The following ECSIT variants were observed in gnomAD, a reference collection of about 807,000 sequenced individuals.
ECSIT encodes evolutionarily conserved signaling intermediate in Toll pathway, mitochondrial.
A neutral mutation model predicts 36.8 loss-of-function variants in ECSIT; 29 were observed. The ratio of observed to expected loss-of-function variants is 0.79; its 90% CI spans 0.59 to 1.08. The LOEUF (loss-of-function observed/expected upper bound fraction) is 1.08, where lower values mean the gene tolerates loss of function less well. ECSIT is among the 50% of genes least tolerant of loss of function. The pLI is 0.00. For missense variants in ECSIT, 542 were observed against 581.0 expected, an observed-to-expected ratio of 0.93 and a Z score of 0.69; for synonymous variants, 231 against 234.8, an observed-to-expected ratio of 0.98 and a Z score of 0.15.
intron 2 of ECSIT, among the ~76,000 whole-genome samples, chr19:11,518,531 G>A (rs1433281505): frequency 6.6e-6 from 1 of 152,130 alleles, no homozygotes. Flanking sequence ...TGAGGCTGCA[G>A]TGAGCCCTGA....
At chr19:11,509,916 C>G (rs1352867716) in intron 4 of ECSIT, among the ~76,000 whole-genome samples, 1 of 151,398 alleles carries the variant, frequency 6.6e-6, no homozygotes, top group African/African-American at 2.4e-5. Context: ...GTTGCCCAGG[C>G]TGGAGTGCAA....
Position 11,513,454 on chromosome 19 carries a change from G to A in ECSIT, c.515-175C>T, listed in dbSNP as rs1245791716. 2.0e-5 allele frequency among the ~76,000 whole-genome samples: 3 copies of A among 151,710 alleles called. No individual in the cohort carries two copies. The South Asian group carries it at 6.3e-4, about 32-fold the overall frequency. ...AATCCCAGCACATTGGGAGGCCAAG[G>A]GGAGAGGATCACTTGAGTCCAGGAG... On this transcript the variant is annotated intron_variant, in intron 3 of 7. Transcript: ENST00000270517.
chr19:11,508,192 T>C (rs1197246708), intron 4 of ECSIT, 144 bp from the exon 5 acceptor site: 2 of 948,292 alleles, frequency 2.1e-6, no homozygotes, highest in Non-Finnish European at 1.7e-6. Context: ...TGTCCCCTCC[T>C]CCCTCTGTCC....
At chr19:11,514,431 A>T (rs899821351) in intron 2 of ECSIT, among the ~76,000 whole-genome samples, 1 of 152,094 alleles carries the variant, frequency 6.6e-6, no homozygotes, top group African/African-American at 2.4e-5. Context: ...ACTGTTAGCC[A>T]TGGCTACGGG....
rs1971783464 is a variant in ECSIT at position 11,507,787 on chromosome 19, A to G, written c.860T>C (p.Val287Ala). 1 of 1,613,992 alleles carries G rather than the reference A, an allele frequency of 6.2e-7. No individual in the cohort carries two copies. The highest frequency in any genetic ancestry group is 8.5e-7 in the Non-Finnish European group (1 of 1,180,042). The change falls in exon 6 of 8, where the codon GTT becomes GCT. Residue 287 changes from valine to alanine, a missense_variant. Coordinates refer to ENST00000270517, the MANE Select transcript of ECSIT (RefSeq NM_016581.5). ...ARHNPARPVF[V>A]EGPFSLWLRN... ...GAGCCACAGGGAGAAGGGGCCCTCA[A>G]CAAAGACAGGCCGGGCTGGATTGTG... is the stretch of plus-strand genomic sequence containing the variant.
In ECSIT at chr19:11,505,962, A is replaced by C; in HGVS notation, c.*222T>G. On this transcript the variant is annotated 3_prime_UTR_variant, in exon 8 of 8. Transcript: ENST00000270517. ...ACCAACAGCGCTCCCGCCCCTTTTTATTTGAATTCGGAGAACCAGAGGCGC... is the reference window on the plus strand; with the variant it reads ...ACCAACAGCGCTCCCGCCCCTTTTTCTTTGAATTCGGAGAACCAGAGGCGC... The C allele has an allele frequency of 4.3e-6, 4 of 938,872 alleles. No homozygotes were observed. The highest frequency in any genetic ancestry group is 1.8e-5 in the South Asian group (1 of 56,412). 58.2% of individuals were successfully genotyped at this position (938,872 alleles called of 1,614,324 possible).
intron 4 of ECSIT, among the ~76,000 whole-genome samples, chr19:11,508,456 G>C (rs993788859): frequency 1.3e-5 from 2 of 150,272 alleles, no homozygotes; most frequent in East Asian, 3.9e-4. Context: ...CATGATCATA[G>C]CTCACTGTAG....
intron 1 of ECSIT, chr19:11,523,882 T>G: frequency 2.2e-6 from 1 of 460,344 alleles, no homozygotes; most frequent in Non-Finnish European, 4.1e-6. Flanking sequence ...GACTGTTATG[T>G]AATCACTGAG....
intron 2 of ECSIT, among the ~76,000 whole-genome samples, chr19:11,517,948 T>G (rs1046241834): frequency 6.6e-6 from 1 of 151,032 alleles, no homozygotes; most frequent in Non-Finnish European, 1.5e-5. Context: ...ACCGAGCTCA[T>G]ACATCCTTAT....
intron 1 of ECSIT, among the ~76,000 whole-genome samples, chr19:11,525,077 C>T (rs1972186549): frequency 6.6e-6 from 1 of 152,034 alleles, no homozygotes; most frequent in South Asian, 2.1e-4. Flanking sequence ...ACAGAGGTTG[C>T]AGTGAGCCGA....
Position 11,519,112 on chromosome 19 carries a change from G to A in ECSIT, c.59C>T (p.Thr20Ile), listed in dbSNP as rs1038529857. 1 of 1,551,088 alleles carries A rather than the reference G, an allele frequency of 6.4e-7. No individual in the cohort carries two copies. Among genetic ancestry groups the A allele is most frequent in the Non-Finnish European group, 8.7e-7 (1 of 1,146,992 alleles). Reference protein sequence around the residue: ...ARGLCRAWGGTCGAALTGTSI... With the variant: ...ARGLCRAWGGICGAALTGTSI... ...GGTTCCTGTGAGGGCGGCCCCGCAG[G>A]TGCCTCCCCAGGCCCTACAGAGGCC... The change falls in exon 2 of 8, where the codon ACC becomes ATC. Residue 20 changes from threonine to isoleucine, a missense_variant. Coordinates refer to ENST00000270517, the MANE Select transcript of ECSIT (RefSeq NM_016581.5). The surrounding 1 kb of genome is among the most constrained non-coding windows in gnomAD (Gnocchi z 4.4).
At chr19:11,522,551 A>T in intron 1 of ECSIT, 2 of 165,236 alleles carry the variant, frequency 1.2e-5, no homozygotes, top group Non-Finnish European at 1.3e-5. Flanking sequence ...ACGCCCCGGT[A>T]AAAAAAAAAA....
intron 4 of ECSIT, among the ~76,000 whole-genome samples, chr19:11,511,060 C>T (rs1304549789): frequency 2.6e-5 from 4 of 152,068 alleles, no homozygotes; most frequent in African/African-American, 9.7e-5. Context: ...GCCCAGCGTC[C>T]TCTGCTCTCC....
At chr19:11,517,083 T>C (rs892703945) in intron 2 of ECSIT, among the ~76,000 whole-genome samples, 2 of 152,026 alleles carry the variant, frequency 1.3e-5, no homozygotes, top group African/African-American at 4.8e-5. Context: ...ACTTTACAAA[T>C]GTGAGGCCCT....
At chr19:11,517,698 AC>A (rs1190789899) in intron 2 of ECSIT, among the ~76,000 whole-genome samples, 1 of 152,142 alleles carries the variant, frequency 6.6e-6, no homozygotes, top group Non-Finnish European at 1.5e-5. Flanking sequence ...AAAATGCCTA[AC>A]GAGGGGGAAA....
chr19:11,518,573 A>T (rs1972042898), intron 2 of ECSIT, among the ~76,000 whole-genome samples: 1 of 151,716 alleles, frequency 6.6e-6, no homozygotes, highest in East Asian at 2.0e-4. Flanking sequence ...TGGGTGATAG[A>T]GCAAGACCTT....
intron 4 of ECSIT, among the ~76,000 whole-genome samples, chr19:11,509,379 GT>G (rs113545500): frequency 3.9e-4 from 56 of 144,974 alleles, no homozygotes; most frequent in Non-Finnish European, 4.6e-4. Context: ...CGCTGACAAA[GT>G]TTTTTTTTTT....
At chr19:11,518,592 AAAAT>A (rs1186943578) in intron 2 of ECSIT, among the ~76,000 whole-genome samples, 2 of 151,448 alleles carry the variant, frequency 1.3e-5, no homozygotes, top group East Asian at 2.0e-4. Context: ...TTGTTTCAAA[AAAAT>A]AAATAAATTA....
chr19:11,514,544 A>G (rs1052205352), intron 2 of ECSIT, among the ~76,000 whole-genome samples: 1 of 146,728 alleles, frequency 6.8e-6, no homozygotes, highest in Admixed American at 6.8e-5. Flanking sequence ...TTTTTTTGAG[A>G]CGGGGTCTGG....
Sources: gnomAD v4.1 joint callset for allele counts (sites outside exome capture counted in the v4.1 genomes callset) on GRCh38, gnomAD v4.1.1 for gene constraint, Gnocchi (gnomAD v3.1) non-coding constraint, MANE v1.5 for transcripts, NCBI Gene and HGNC (gene_info 2026-07-23, HGNC 2026-07-21) for gene names.